PPP3CA: variants seen among roughly 807,000 people sequenced by gnomAD.
PPP3CA encodes the protein protein phosphatase 3 catalytic subunit alpha.
A neutral mutation model predicts 66.5 loss-of-function variants in PPP3CA; 14 were observed. The ratio of observed to expected loss-of-function variants is 0.21; its 90% CI spans 0.14 to 0.33. The LOEUF is 0.33. Among genes scored for constraint, PPP3CA ranks in the 10% least tolerant of loss-of-function variants. PPP3CA has a pLI of 1.00. For synonymous variants in PPP3CA, 232 were observed against 226.2 expected (o/e 1.03, Z -0.23); for missense variants, 317 against 639.5 (o/e 0.50, Z 5.44).
chr4:101,206,252 T>C (rs971131472), intron 1 of PPP3CA, among the ~76,000 whole-genome samples: 1 of 152,220 alleles, frequency 6.6e-6, no homozygotes, highest in Non-Finnish European at 1.5e-5. Context: ...TCTTCACACA[T>C]CTATTTAAAA....
At chr4:101,236,965 G>A (rs1016639964) in intron 1 of PPP3CA, among the ~76,000 whole-genome samples, 10 of 150,810 alleles carry the variant, frequency 6.6e-5, no homozygotes, top group African/African-American at 2.4e-4. Context: ...ATCTCATAGA[G>A]ATATTATGAA....
chr4:101,140,728 T>C (rs186958492), intron 2 of PPP3CA, among the ~76,000 whole-genome samples: 192 of 151,696 alleles, frequency 1.3e-3, no homozygotes, highest in African/African-American at 4.4e-3. Context: ...AGAAATGATA[T>C]TAGAATTATC....
chr4:101,025,778 C>A lies in PPP3CA; in HGVS notation c.*87G>T. 1 of 1,130,776 alleles carries A rather than the reference C, an allele frequency of 8.8e-7. No individual in the cohort carries two copies. Among genetic ancestry groups the A allele is most frequent in the Non-Finnish European group, 1.2e-6 (1 of 822,202 alleles). 70.0% of individuals were successfully genotyped at this position (1,130,776 alleles called of 1,614,324 possible). A position where few individuals can be genotyped will look rare whatever the true frequency, so the allele number is the denominator to read the frequency against. ...AAGCTACTGTCAGAGGCAAGAACAT[C>A]CAACTGCTGATATGCAGCAATCCCC... On this transcript the variant is annotated 3_prime_UTR_variant, in exon 14 of 14. Transcript: ENST00000394854.
chr4:101,318,861 T>G (rs901465734), intron 1 of PPP3CA, among the ~76,000 whole-genome samples: 6 of 152,054 alleles, frequency 3.9e-5, no homozygotes, highest in Non-Finnish European at 7.4e-5. Context: ...ACATTACCAC[T>G]CATATTTAAC....
intron 1 of PPP3CA, among the ~76,000 whole-genome samples, chr4:101,274,548 C>T (rs76143709): frequency 0.013 from 1,938 of 152,306 alleles, 33 homozygotes; most frequent in African/African-American, 0.043. Context: ...ACCCACACTA[C>T]ATTCTGATTT....
intron 8 of PPP3CA, among the ~76,000 whole-genome samples, chr4:101,076,091 G>A (rs1729177445): frequency 6.6e-6 from 1 of 152,026 alleles, no homozygotes; most frequent in South Asian, 2.1e-4. Flanking sequence ...TCACCTGATT[G>A]GTGTATTTGA....
At chr4:101,146,759 T>C (rs1473329225) in intron 2 of PPP3CA, among the ~76,000 whole-genome samples, 1 of 152,138 alleles carries the variant, frequency 6.6e-6, no homozygotes, top group Non-Finnish European at 1.5e-5. Context: ...CATTTTATTG[T>C]ATATTTACTA....
intron 1 of PPP3CA, among the ~76,000 whole-genome samples, chr4:101,221,652 A>G (rs1006471752): frequency 6.6e-6 from 1 of 151,638 alleles, no homozygotes; most frequent in African/African-American, 2.4e-5. Flanking sequence ...CACATAAAAA[A>G]TTCAAGTCCA....
chr4:101,102,451 G>T (rs1730489118), intron 3 of PPP3CA, among the ~76,000 whole-genome samples: 1 of 152,058 alleles, frequency 6.6e-6, no homozygotes, highest in Non-Finnish European at 1.5e-5. Flanking sequence ...CCTGTAACAA[G>T]AATAAAATAT....
At chr4:101,055,648 C>T (rs1728193671) in intron 10 of PPP3CA, among the ~76,000 whole-genome samples, 1 of 152,084 alleles carries the variant, frequency 6.6e-6, no homozygotes, top group Non-Finnish European at 1.5e-5. Context: ...AGAATCATGA[C>T]ATGGTTTCCT....
At chr4:101,112,530 T>C (rs914726649) in intron 2 of PPP3CA, among the ~76,000 whole-genome samples, 1 of 152,136 alleles carries the variant, frequency 6.6e-6, no homozygotes, top group South Asian at 2.1e-4. Flanking sequence ...CCTATCATAA[T>C]GTTCAGTAAA....
At chr4:101,346,097 C>G (rs1729979280) in intron 1 of PPP3CA, among the ~76,000 whole-genome samples, 1 of 151,842 alleles carries the variant, frequency 6.6e-6, no homozygotes, top group African/African-American at 2.4e-5. Flanking sequence ...AGCCAGCGAC[C>G]GCCCCCGCCC....
intron 4 of PPP3CA, among the ~76,000 whole-genome samples, chr4:101,099,075 T>A (rs937101680): frequency 6.6e-6 from 1 of 152,106 alleles, no homozygotes; most frequent in African/African-American, 2.4e-5. Flanking sequence ...TATTTATACA[T>A]AAAACAAAAA....
chr4:101,156,479 G>A (rs369994976), intron 2 of PPP3CA, among the ~76,000 whole-genome samples: 1 of 152,130 alleles, frequency 6.6e-6, no homozygotes, highest in Non-Finnish European at 1.5e-5. Flanking sequence ...TCGGGAGTTC[G>A]AGACCAGCCT....
chr4:101,083,493 A>C (rs1578429941), intron 6 of PPP3CA, among the ~76,000 whole-genome samples: 1 of 145,438 alleles, frequency 6.9e-6, no homozygotes, highest in South Asian at 2.1e-4. Context: ...GAACTGGGGG[A>C]AAAAACATAA....
intron 1 of PPP3CA, among the ~76,000 whole-genome samples, chr4:101,285,070 T>G (rs773870319): frequency 2.0e-5 from 3 of 152,116 alleles, no homozygotes; most frequent in Non-Finnish European, 2.9e-5. Flanking sequence ...ACCCAAATAC[T>G]GATGGGAGAC....
At chr4:101,327,104 C>T (rs1729231400) in intron 1 of PPP3CA, among the ~76,000 whole-genome samples, 1 of 152,114 alleles carries the variant, frequency 6.6e-6, no homozygotes, top group East Asian at 1.9e-4. Flanking sequence ...TCCATGTGGT[C>T]ACAATATACA....
intron 2 of PPP3CA, among the ~76,000 whole-genome samples, chr4:101,143,707 C>T (rs891170410): frequency 7.9e-5 from 12 of 152,150 alleles, no homozygotes; most frequent in Admixed American, 5.9e-4. Flanking sequence ...TTATCCCTGG[C>T]TTTGTAATCT....
intron 1 of PPP3CA, among the ~76,000 whole-genome samples, chr4:101,309,472 G>C (rs188005122): frequency 5.9e-5 from 9 of 152,056 alleles, no homozygotes; most frequent in Admixed American, 5.2e-4. Flanking sequence ...AAACTAAAAA[G>C]CAAAGCGGGT....
Sources: gnomAD v4.1 joint callset for allele counts (sites outside exome capture counted in the v4.1 genomes callset) on GRCh38, gnomAD v4.1.1 for gene constraint, MANE v1.5 for transcripts, NCBI Gene and HGNC (gene_info 2026-07-23, HGNC 2026-07-21) for gene names.